Variants in PALD1 observed in about 807,000 individuals in gnomAD.
The protein encoded by PALD1 is paladin.
PALD1 carries 57 observed loss-of-function variants against 96.0 expected under a neutral mutation model. The ratio of observed to expected loss-of-function variants is 0.59; its 90% CI spans 0.48 to 0.74. The LOEUF (loss-of-function observed/expected upper bound fraction) is 0.74. Among genes scored for constraint, PALD1 ranks in the 30% least tolerant of loss-of-function variants. The pLI, the probability that PALD1 is intolerant of heterozygous loss-of-function variation, is 0.00. For missense variants in PALD1, 1,063 were observed against 1,143.7 expected (o/e 0.93, Z 1.02); for synonymous variants, 464 against 473.6 (o/e 0.98, Z 0.26).
chr10:70,507,998 G>A (rs1261066317), intron 1 of PALD1, among the ~76,000 whole-genome samples: 3 of 152,216 alleles, frequency 2.0e-5, no homozygotes, highest in South Asian at 2.1e-4. Flanking sequence ...AAGGCACGGA[G>A]GGGAGGATAA....
chr10:70,566,546 CT>C, intron 19 of PALD1, 34 bp from the exon 20 acceptor site: 1 of 1,565,624 alleles, frequency 6.4e-7, no homozygotes, highest in Non-Finnish European at 8.7e-7. Context: ...CCTCCCTCCC[CT>C]GAAACACTGC....
intron 1 of PALD1, among the ~76,000 whole-genome samples, chr10:70,484,923 C>T (rs1354309202): frequency 7.2e-5 from 11 of 152,178 alleles, no homozygotes; most frequent in Non-Finnish European, 2.9e-5. Context: ...TGCTAAGCAT[C>T]CCCCATTCCA....
At chr10:70,556,279 C>CCTCTCTCTCTCT (rs112574716) in intron 18 of PALD1, among the ~76,000 whole-genome samples, 2,355 of 128,596 alleles carry the variant, frequency 0.018, 76 homozygotes, top group African/African-American at 0.058. Flanking sequence ...GTAGCCGAGA[C>CCTCTCTCTCTCT]CTCTCTCTCT....
chr10:70,531,389 G>C lies in PALD1; in HGVS notation c.568G>C (p.Glu190Gln). The C allele has an allele frequency of 1.2e-6, 2 of 1,614,108 alleles. No homozygotes were observed. The highest frequency in any genetic ancestry group is 1.7e-6 in the Non-Finnish European group (2 of 1,179,970). Residue 190 changes from glutamate (E) to glutamine (Q), a missense_variant, in exon 5 of 20, where the codon GAG (glutamate) becomes CAG (glutamine). Physicochemically the swap from Glu to Gln is conservative, Grantham distance 29. Coordinates refer to ENST00000263563, the MANE Select transcript of PALD1 (RefSeq NM_014431.3). ...ACCTCGAGACAAGCAGAACCTTCAT[G>C]AGAACCTCCAGGGCCTTGGACCCGG... ...YTPRDKQNLH[E>Q]NLQGLGPGVR...
chr10:70,533,277 G>T (rs1847034193), intron 7 of PALD1, among the ~76,000 whole-genome samples: 1 of 152,016 alleles, frequency 6.6e-6, no homozygotes, highest in Non-Finnish European at 1.5e-5. Flanking sequence ...TGTGGGGAGT[G>T]TGTGTACATG....
chr10:70,564,501 C>G lies in PALD1; in HGVS notation c.2400C>G (p.Phe800Leu), dbSNP rs757603274. Residue 800 changes from phenylalanine (F) to leucine (L), a missense_variant, in exon 19 of 20, where the codon TTC becomes TTG. By Grantham distance (22) the Phe-to-Leu change is conservative (BLOSUM62 0). Transcript: ENST00000263563. ...LEKADSWQRPFSTWMQEVASK... is the reference protein window; with the variant it reads ...LEKADSWQRPLSTWMQEVASK... ...AGGCCGACTCCTGGCAGAGGCCCTT[C>G]AGCACCTGGATGCAGGAGGTGAGGG... The G allele has an allele frequency of 6.2e-7, 1 of 1,613,750 alleles. No individual in the cohort carries two copies. Among genetic ancestry groups the G allele is most frequent in the African/African-American group, 1.3e-5 (1 of 74,942 alleles).
intron 19 of PALD1, 109 bp downstream of exon 19, chr10:70,564,628 C>T (rs909464030): frequency 2.9e-5 from 29 of 998,310 alleles, no homozygotes; most frequent in South Asian, 7.8e-5. Context: ...CCGTGACAGG[C>T]GGGAAGAGCC....
At position 70,517,942 on chromosome 10, in the gene PALD1, T is replaced by C. The variant is rs148389954; in HGVS notation, c.-29-7981T>C. 3.4e-3 allele frequency among the ~76,000 whole-genome samples: 510 copies of C among 152,098 alleles called. 3 individuals carry two copies. The highest frequency in any genetic ancestry group is 0.012 in the African/African-American group (477 of 41,478). On this transcript the variant is annotated intron_variant, in intron 1 of 19. Coordinates refer to ENST00000263563, the MANE Select transcript of PALD1 (RefSeq NM_014431.3). ...TTTTGAGATGGAGTTTCACTCTTGT[T>C]GCCCAGGCTGGAGTGCAATGGCGCA...
chr10:70,472,969 T>C, the PALD1 span, among the ~76,000 whole-genome samples: 2 of 152,222 alleles, frequency 1.3e-5, no homozygotes, highest in African/African-American at 4.8e-5. Context: ...TAGGTATGAC[T>C]ATCCCCATTT....
In PALD1 at chr10:70,543,438, A is replaced by G. The variant is rs1004513100; in HGVS notation, c.2121+1904A>G. Among the ~76,000 whole-genome samples, 15 of 152,158 alleles carry G rather than the reference A, an allele frequency of 9.9e-5. 1 individual carries two copies. Among genetic ancestry groups the G allele is most frequent in the Non-Finnish European group, 2.2e-4 (15 of 68,040 alleles). On this transcript the variant is annotated intron_variant, in intron 17 of 19. Coordinates refer to ENST00000263563, the MANE Select transcript of PALD1 (RefSeq NM_014431.3). ...TGCCTGTGCCCTTGGTGCTATATCC[A>G]AGAAATCATTGCCAACTCCAATGTC... is the stretch of plus-strand genomic sequence containing the variant.
At chr10:70,541,639 C>G in intron 17 of PALD1, 105 bp downstream of exon 17, 2 of 767,152 alleles carry the variant, frequency 2.6e-6, no homozygotes, top group Non-Finnish European at 4.6e-6. Context: ...AATGCAGTCA[C>G]GTCTGCCACC....
intron 1 of PALD1, among the ~76,000 whole-genome samples, chr10:70,513,978 G>A (rs1846570856): frequency 6.6e-6 from 1 of 152,158 alleles, no homozygotes; most frequent in South Asian, 2.1e-4. Flanking sequence ...GAGCTGAGAG[G>A]GAGGCTTCCC....
At chr10:70,510,321 G>C (rs1385675905) in intron 1 of PALD1, among the ~76,000 whole-genome samples, 68 of 152,152 alleles carry the variant, frequency 4.5e-4, no homozygotes, top group Non-Finnish European at 1.5e-5. Flanking sequence ...TCTAGTCCCT[G>C]GTGGCAGCCA....
At chr10:70,470,567 A>G in the PALD1 span, among the ~76,000 whole-genome samples, 231 of 142,364 alleles carry the variant, frequency 1.6e-3, no homozygotes, top group Non-Finnish European at 2.1e-3. Flanking sequence ...TTATATAATA[A>G]ATAATATTAT....
At chr10:70,470,857 A>G in the PALD1 span, among the ~76,000 whole-genome samples, 3 of 152,026 alleles carry the variant, frequency 2.0e-5, no homozygotes, top group African/African-American at 7.2e-5. Flanking sequence ...GCTGGAGTGC[A>G]ATGACACGAT....
intron 1 of PALD1, among the ~76,000 whole-genome samples, chr10:70,494,544 C>A (rs1846156497): frequency 6.6e-6 from 1 of 152,250 alleles, no homozygotes; most frequent in South Asian, 2.1e-4. Context: ...ATATCCCTGA[C>A]TCCAGAACAG....
chr10:70,501,104 A>G (rs1345028609), intron 1 of PALD1, among the ~76,000 whole-genome samples: 8 of 152,142 alleles, frequency 5.3e-5, no homozygotes, highest in Admixed American at 5.2e-4. Flanking sequence ...GGGAGGCTAC[A>G]TGAGGTCAAG....
chr10:70,558,541 A>T (rs1847663194), intron 18 of PALD1, among the ~76,000 whole-genome samples: 1 of 152,128 alleles, frequency 6.6e-6, no homozygotes. Flanking sequence ...CTAGTGACGG[A>T]GATCTGCGGC....
intron 1 of PALD1, among the ~76,000 whole-genome samples, chr10:70,503,590 C>T (rs892421129): frequency 1.3e-5 from 2 of 152,104 alleles, no homozygotes; most frequent in African/African-American, 4.8e-5. Flanking sequence ...GCCTATATCA[C>T]GCCACTGCAC....
Sources: allele counts gnomAD v4.1 joint callset (sites outside exome capture counted in the v4.1 genomes callset), GRCh38; gene constraint gnomAD v4.1.1; transcripts MANE v1.5; gene names NCBI Gene and HGNC (gene_info 2026-07-23, HGNC 2026-07-21).